Variants in NUP210 observed in about 807,000 individuals in gnomAD.
The protein encoded by NUP210 is nuclear pore membrane glycoprotein 210.
A neutral mutation model predicts 196.0 loss-of-function variants in NUP210; 151 were observed. The ratio of observed to expected loss-of-function variants is 0.77; its 90% confidence interval spans 0.67 to 0.88. The LOEUF is 0.88. Among genes scored for constraint, NUP210 ranks in the 40% least tolerant of loss-of-function variants. The pLI is 0.00. For synonymous variants in NUP210, 1,070 were observed against 1,052.7 expected (o/e 1.02, Z -0.32); for missense variants, 2,314 against 2,493.7 (o/e 0.93, Z 1.53).
intron 1 of NUP210, among the ~76,000 whole-genome samples, chr3:13,410,970 C>T (rs1036563552): frequency 6.7e-6 from 1 of 149,604 alleles, no homozygotes; most frequent in Admixed American, 6.7e-5. Context: ...ACCTTTAGTC[C>T]CAGCACTTTG....
chr3:13,399,578 G>T, intron 2 of NUP210, 147 bp downstream of exon 2: 2 of 994,798 alleles, frequency 2.0e-6, no homozygotes, highest in Non-Finnish European at 3.0e-6. Flanking sequence ...TTGCCTGCTG[G>T]GTGCCTGTCT....
At position 13,335,555 on chromosome 3, in the gene NUP210, T is replaced by A. The variant is rs955959558; in HGVS notation, c.3742A>T (p.Lys1248Ter). The A allele has an allele frequency of 2.2e-5, 36 of 1,614,020 alleles. No individual in the cohort carries two copies. The highest frequency in any genetic ancestry group is 2.9e-5 in the Non-Finnish European group (34 of 1,180,052). ...ACCACCCTCAGCCCGGTCCGGCCTT[T>A]TACCCGGCCGAGCACGTTCATGGCA... Reference protein sequence around the residue: ...NFAMNVLGRVKGRTGLRVVVK... With the variant: ...NFAMNVLGRV The change falls in exon 28 of 40, where the codon AAA becomes TAA. Residue 1248 changes from lysine (K) to a stop codon, truncating the protein, a stop_gained. Transcript: ENST00000254508. LOFTEE classifies it high-confidence loss of function.
At chr3:13,349,080 C>T (rs1391928501) in intron 20 of NUP210, among the ~76,000 whole-genome samples, 3 of 152,198 alleles carry the variant, frequency 2.0e-5, no homozygotes, top group South Asian at 2.1e-4. Context: ...TACACACAGC[C>T]GTTTAAAATC....
rs1353610916 is a variant in NUP210 at position 13,317,064 on chromosome 3, TTCTCCAGCCTCTCGC to T, written c.*602_*616del. Reference sequence around the variant, plus strand: ...CAGCAGCCCTGGGTGAGCTCCTGTGTTCTCCAGCCTCTCGCTCACCCAGGGCTTGGCTATCCTGGC... The same window carrying T: ...CAGCAGCCCTGGGTGAGCTCCTGTGTTCACCCAGGGCTTGGCTATCCTGGC... On this transcript the variant is annotated 3_prime_UTR_variant, in exon 40 of 40. Transcript: ENST00000254508. 2 of 153,612 alleles carry T rather than the reference TTCTCCAGCCTCTCGC, an allele frequency of 1.3e-5. No homozygotes were observed. The highest frequency in any genetic ancestry group is 4.8e-5 in the African/African-American group (2 of 41,446). The allele number at this position is 153,612 out of a possible 1,614,324, so 9.5% of individuals were successfully genotyped here. A position where few individuals can be genotyped will look rare whatever the true frequency, so the allele number is the denominator to read the frequency against.
At chr3:13,407,757 C>T (rs1022058130) in intron 1 of NUP210, among the ~76,000 whole-genome samples, 2 of 152,110 alleles carry the variant, frequency 1.3e-5, no homozygotes, top group East Asian at 1.9e-4. Context: ...CCCATGGCAC[C>T]GCTGGTCCTC....
chr3:13,416,728 G>A (rs907412034), intron 1 of NUP210, among the ~76,000 whole-genome samples: 1 of 152,218 alleles, frequency 6.6e-6, no homozygotes, highest in African/African-American at 2.4e-5. Context: ...GCTCAGACAC[G>A]GAGCCCTCAG....
intron 14 of NUP210, among the ~76,000 whole-genome samples, chr3:13,361,029 G>A (rs1001362768): frequency 2.0e-5 from 3 of 152,196 alleles, no homozygotes; most frequent in Non-Finnish European, 4.4e-5. Flanking sequence ...TGATGGTGCC[G>A]TTTGATCACA....
At chr3:13,391,187 A>G in intron 4 of NUP210, 24 bp downstream of exon 4, 2 of 1,563,792 alleles carry the variant, frequency 1.3e-6, no homozygotes, top group Non-Finnish European at 1.8e-6. Context: ...CAAAGGGGCC[A>G]GGCCTAGCAG....
chr3:13,339,205 T>C lies in NUP210; in HGVS notation c.3471+649A>G, dbSNP rs76847824. ...AACAAGCATTTCCCTGCACCCCCTC[T>C]AGGGCGGTGCACTTGCCAGCTTCTG... On this transcript the variant is annotated intron_variant, in intron 25 of 39. Coordinates refer to ENST00000254508, the MANE Select transcript of NUP210 (RefSeq NM_024923.4). Among the ~76,000 whole-genome samples, 98 of 152,278 alleles carry C rather than the reference T, an allele frequency of 6.4e-4. 1 individual carries two copies. The East Asian group carries it at 0.016, about 24-fold the overall frequency.
intron 31 of NUP210, 62 bp from the exon 32 acceptor site, chr3:13,327,499 G>A (rs1696815179): frequency 8.9e-6 from 11 of 1,232,574 alleles, no homozygotes; most frequent in African/African-American, 1.5e-5. Context: ...ACTCCCAAAG[G>A]GAGAAACGTA....
Position 13,339,941 on chromosome 3 carries a change from T to C in NUP210, c.3384A>G (p.Val1128=). 3 of 1,614,046 alleles carry C rather than the reference T, an allele frequency of 1.9e-6. No individual in the cohort carries two copies. Among genetic ancestry groups the C allele is most frequent in the Non-Finnish European group, 2.5e-6 (3 of 1,180,030 alleles). ...SVALVSAAGL[V]QGLAIGNGTV... ...TGCCGTTCCCGATGGCGAGGCCCTG[T>C]ACCAGCCCAGCAGCGCTCACCAGCG... The change falls in exon 25 of 40, where the codon GTA becomes GTG. Residue 1128 remains valine (V), a synonymous_variant. Coordinates refer to ENST00000254508, the MANE Select transcript of NUP210 (RefSeq NM_024923.4).
chr3:13,326,124 G>A (rs1696742702), intron 32 of NUP210, among the ~76,000 whole-genome samples, 193 bp from the exon 33 acceptor site: 1 of 152,246 alleles, frequency 6.6e-6, no homozygotes, highest in Non-Finnish European at 1.5e-5. Flanking sequence ...GCCACCTGGA[G>A]CCATCAGCTC....
At chr3:13,400,325 G>A (rs574858140) in intron 1 of NUP210, among the ~76,000 whole-genome samples, 1 of 152,114 alleles carries the variant, frequency 6.6e-6, no homozygotes, top group African/African-American at 2.4e-5. Context: ...CAACCCCAAC[G>A]GGTTCCACTA....
chr3:13,336,722 T>C (rs1576356224), intron 27 of NUP210, 65 bp downstream of exon 27: 2 of 1,551,410 alleles, frequency 1.3e-6, no homozygotes, highest in South Asian at 2.3e-5. Flanking sequence ...GAACCCTCCC[T>C]GCCACTCGGG....
chr3:13,319,834 G>A lies in NUP210; in HGVS notation c.5312C>T (p.Pro1771Leu). The A allele has an allele frequency of 6.2e-7, 1 of 1,614,232 alleles. No homozygotes were observed. Among genetic ancestry groups the A allele is most frequent in the Non-Finnish European group, 8.5e-7 (1 of 1,180,034 alleles). Reference sequence around the variant, plus strand: ...GATGGCAATGGCTTGGTTGGTCACGGGGCTGGAGAAGGTCAGGGTAGTGGA... The same window carrying A: ...GATGGCAATGGCTTGGTTGGTCACGAGGCTGGAGAAGGTCAGGGTAGTGGA... ...PLSTTLTFSS[P>L]VTNQAIAIPV... is the part of the protein sequence containing the mutation. Residue 1771 changes from proline to leucine, a missense_variant, in exon 37 of 40, where the codon CCC (proline) becomes CTC (leucine). Physicochemically the swap from Pro to Leu is moderately conservative, Grantham distance 98 (BLOSUM62 -3). Transcript: ENST00000254508.
chr3:13,373,622 G>C (rs776690429), intron 12 of NUP210, 96 bp downstream of exon 12: 54 of 1,285,340 alleles, frequency 4.2e-5, no homozygotes, highest in Non-Finnish European at 5.2e-5. Flanking sequence ...CCCAAGGTTG[G>C]GGGTGTTTCT....
intron 1 of NUP210, among the ~76,000 whole-genome samples, chr3:13,404,445 T>C (rs1699936171): frequency 6.6e-6 from 1 of 152,264 alleles, no homozygotes; most frequent in Non-Finnish European, 1.5e-5. Context: ...CTAATTCTGA[T>C]GGTAGGAATA....
At chr3:13,388,265 C>G (rs1699351443) in intron 5 of NUP210, 38 bp downstream of exon 5, 4 of 1,545,744 alleles carry the variant, frequency 2.6e-6, no homozygotes, top group Non-Finnish European at 2.6e-6. Context: ...TGATTCCACC[C>G]CAGGAAGCCC....
intron 34 of NUP210, 100 bp from the exon 35 acceptor site, chr3:13,322,439 T>G: frequency 7.7e-7 from 1 of 1,296,584 alleles, no homozygotes; most frequent in African/African-American, 1.5e-5. Flanking sequence ...AAATGCCACC[T>G]GCCCCTGCAT....
Sources: gnomAD v4.1 joint callset for allele counts (sites outside exome capture counted in the v4.1 genomes callset) on GRCh38, gnomAD v4.1.1 for gene constraint, MANE v1.5 for transcripts, NCBI Gene and HGNC (gene_info 2026-07-23, HGNC 2026-07-21) for gene names.